PDE4D: variants seen among roughly 807,000 people sequenced by gnomAD.
PDE4D encodes phosphodiesterase 4D.
Under a neutral mutation model 87.4 loss-of-function variants are expected in PDE4D, and 24 were observed. That is an observed-to-expected ratio of 0.27 (90% CI 0.20 to 0.39). PDE4D has a LOEUF of 0.39. PDE4D is among the 10% of genes least tolerant of loss of function. The probability of loss-of-function intolerance (pLI) is 1.00; values close to 1 mark genes in which losing one functional copy is unlikely to be tolerated. For synonymous variants in PDE4D, 384 were observed against 383.2 expected (o/e 1.00, Z -0.02); for missense variants, 714 against 1,041.0 (o/e 0.69, Z 4.32).
chr5:59,661,940 G>T (rs1745313245), intron 1 of PDE4D, among the ~76,000 whole-genome samples: 1 of 152,148 alleles, frequency 6.6e-6, no homozygotes, highest in Non-Finnish European at 1.5e-5. Context: ...TCACTCTTTT[G>T]CCACTTGAAT....
At chr5:59,587,341 C>G in intron 1 of PDE4D, 1 of 589,306 alleles carries the variant, frequency 1.7e-6, no homozygotes, top group Non-Finnish European at 2.1e-6. Context: ...TCTTTTTTTT[C>G]CTCTCTCAAT....
intron 5 of PDE4D, among the ~76,000 whole-genome samples, chr5:59,062,703 G>GT (rs34248179): frequency 0.11 from 15,445 of 137,590 alleles, 1,468 homozygotes; most frequent in African/African-American, 0.23. Context: ...AATGCATGTG[G>GT]TTTTTTTTTT....
intron 1 of PDE4D, among the ~76,000 whole-genome samples, chr5:59,352,218 T>A (rs1240337523): frequency 6.6e-6 from 1 of 152,170 alleles, no homozygotes; most frequent in Non-Finnish European, 1.5e-5. Flanking sequence ...TCTAACCACA[T>A]ATATGTGTGG....
intron 1 of PDE4D, among the ~76,000 whole-genome samples, chr5:59,684,979 G>C (rs1396042414): frequency 1.3e-5 from 2 of 152,060 alleles, no homozygotes; most frequent in Admixed American, 1.3e-4. Context: ...CCTCTACAAG[G>C]GCATTTCCTA....
At chr5:59,808,340 C>A (rs990778823) in intron 1 of PDE4D, among the ~76,000 whole-genome samples, 1 of 152,090 alleles carries the variant, frequency 6.6e-6, no homozygotes, top group African/African-American at 2.4e-5. Context: ...TTCCTGAGGC[C>A]AATTTTTGAC....
intron 1 of PDE4D, among the ~76,000 whole-genome samples, chr5:59,781,734 G>A (rs746046339): frequency 3.1e-5 from 4 of 127,844 alleles, no homozygotes; most frequent in East Asian, 2.4e-4. Context: ...GCAGTGAGCC[G>A]AGATCGCACC....
chr5:59,224,123 A>G (rs1279172288), intron 1 of PDE4D, among the ~76,000 whole-genome samples: 1 of 104,068 alleles, frequency 9.6e-6, no homozygotes, highest in Admixed American at 9.3e-5. Flanking sequence ...CTGTTTCTAC[A>G]AAAAAAAAAA....
chr5:60,503,924 C>T (rs1286476567), intron 1 of PDE4D, among the ~76,000 whole-genome samples: 1 of 151,970 alleles, frequency 6.6e-6, no homozygotes, highest in Non-Finnish European at 1.5e-5. Context: ...AGCTTCAAAC[C>T]CAGTCAGAAT....
At chr5:59,099,163 T>A (rs1057192182) in intron 5 of PDE4D, among the ~76,000 whole-genome samples, 3 of 152,230 alleles carry the variant, frequency 2.0e-5, no homozygotes, top group Non-Finnish European at 4.4e-5. Context: ...AATTTCTCAA[T>A]CCTGGATGGA....
intron 3 of PDE4D, among the ~76,000 whole-genome samples, chr5:59,935,307 G>C (rs1336491936): frequency 2.6e-5 from 4 of 152,056 alleles, no homozygotes; most frequent in Non-Finnish European, 5.9e-5. Context: ...TAGGGGTTGA[G>C]AAATGGAGAC....
At chr5:58,982,445 A>G (rs903977315) in intron 11 of PDE4D, among the ~76,000 whole-genome samples, 2 of 152,216 alleles carry the variant, frequency 1.3e-5, no homozygotes, top group African/African-American at 4.8e-5. Flanking sequence ...CTTCTTTGCC[A>G]GTAAGGTGAG....
intron 5 of PDE4D, among the ~76,000 whole-genome samples, chr5:59,101,457 T>C (rs190620863): frequency 9.8e-5 from 15 of 152,312 alleles, no homozygotes; most frequent in Middle Eastern, 6.8e-3. Context: ...TATGTTTATA[T>C]AGCTAAGGGA....
At chr5:59,845,337 C>A (rs912730610) in intron 1 of PDE4D, among the ~76,000 whole-genome samples, 2 of 152,090 alleles carry the variant, frequency 1.3e-5, no homozygotes, top group African/African-American at 4.8e-5. Context: ...TGTGAGATCA[C>A]TTCCTTCAAG....
At chr5:60,408,063 A>ACTAAGCCACAGTC (rs1561218324) in intron 1 of PDE4D, among the ~76,000 whole-genome samples, 1 of 152,140 alleles carries the variant, frequency 6.6e-6, no homozygotes, top group Admixed American at 6.5e-5. Flanking sequence ...CTGTAAGGAC[A>ACTAAGCCACAGTC]CTAAGCCACA....
At chr5:59,563,516 C>A (rs1820396687) in intron 1 of PDE4D, among the ~76,000 whole-genome samples, 2 of 152,194 alleles carry the variant, frequency 1.3e-5, no homozygotes, top group Admixed American at 6.5e-5. Flanking sequence ...TATAAGTGAC[C>A]ATTAGTGAGT....
At chr5:60,040,598 A>G (rs1385562788) in intron 2 of PDE4D, among the ~76,000 whole-genome samples, 2 of 152,188 alleles carry the variant, frequency 1.3e-5, no homozygotes, top group Non-Finnish European at 2.9e-5. Context: ...GTTCTTAACC[A>G]TTTAAATTAG....
At chr5:60,047,835 T>C (rs1326426755) in intron 2 of PDE4D, among the ~76,000 whole-genome samples, 2 of 151,994 alleles carry the variant, frequency 1.3e-5, no homozygotes, top group African/African-American at 2.4e-5. Flanking sequence ...AAAAAATGTA[T>C]ATTCTGTTGA....
intron 1 of PDE4D, among the ~76,000 whole-genome samples, chr5:59,677,581 T>G (rs1748310317): frequency 6.6e-6 from 1 of 152,190 alleles, no homozygotes; most frequent in African/African-American, 2.4e-5. Flanking sequence ...GTTAAATTAC[T>G]TTTTTGTACA....
intron 1 of PDE4D, among the ~76,000 whole-genome samples, chr5:60,193,637 A>AGT (rs1785382463): frequency 7.9e-6 from 1 of 126,844 alleles, no homozygotes; most frequent in African/African-American, 2.9e-5. Flanking sequence ...GCGCCACTGC[A>AGT]CTCCAGCCTG....
Sources: allele counts gnomAD v4.1 joint callset (sites outside exome capture counted in the v4.1 genomes callset), GRCh38; gene constraint gnomAD v4.1.1; transcripts MANE v1.5; gene names NCBI Gene and HGNC (gene_info 2026-07-23, HGNC 2026-07-21).